The following MYLK variants were observed in gnomAD, a reference collection of about 807,000 sequenced individuals.
MYLK encodes myosin light chain kinase, smooth muscle.
In MYLK, 106 loss-of-function variants were observed where a neutral mutation model predicts 203.4. That is an observed-to-expected ratio of 0.52 (90% confidence interval 0.45 to 0.61). The LOEUF (loss-of-function observed/expected upper bound fraction) is 0.61, where lower values mean the gene tolerates loss of function less well. MYLK is among the 20% of genes least tolerant of loss of function. The pLI, the probability that MYLK is intolerant of heterozygous loss-of-function variation, is 0.00. For synonymous variants in MYLK, 867 were observed against 959.5 expected, an observed-to-expected ratio of 0.90 and a Z score of 1.78; for missense variants, 2,072 against 2,442.3, an observed-to-expected ratio of 0.85 and a Z score of 3.20.
intron 2 of MYLK, among the ~76,000 whole-genome samples, chr3:123,874,005 A>C (rs2032996041): frequency 6.6e-6 from 1 of 152,132 alleles, no homozygotes; most frequent in Admixed American, 6.5e-5. Context: ...ATCAAAGATG[A>C]CCTAAATGGA....
At chr3:123,727,579 C>T (rs72970868) in intron 11 of MYLK, among the ~76,000 whole-genome samples, 2 of 152,044 alleles carry the variant, frequency 1.3e-5, no homozygotes, top group Admixed American at 1.3e-4. Flanking sequence ...CAGCATAGCA[C>T]ATCCTCAGTG....
intron 4 of MYLK, among the ~76,000 whole-genome samples, chr3:123,792,933 C>T (rs9836261): frequency 0.16 from 24,883 of 152,166 alleles, 3,143 homozygotes; most frequent in African/African-American, 0.35. Flanking sequence ...GCAGCAACCC[C>T]TGCAAACTCT....
chr3:123,802,388 G>A (rs1394481280), intron 3 of MYLK, among the ~76,000 whole-genome samples: 2 of 152,192 alleles, frequency 1.3e-5, no homozygotes, highest in Non-Finnish European at 2.9e-5. Context: ...ATGGCTTCCT[G>A]GGCCTTTCCT....
At chr3:123,824,499 G>C (rs144230152) in intron 3 of MYLK, among the ~76,000 whole-genome samples, 1 of 152,294 alleles carries the variant, frequency 6.6e-6, no homozygotes, top group Non-Finnish European at 1.5e-5. Flanking sequence ...AAGAGCACTT[G>C]TTAAATGAAT....
intron 18 of MYLK, among the ~76,000 whole-genome samples, chr3:123,698,245 T>C (rs2061014699): frequency 1.3e-5 from 2 of 152,094 alleles, no homozygotes; most frequent in African/African-American, 4.8e-5. Context: ...CCAAGCCTGA[T>C]GAGAACCTGA....
intron 2 of MYLK, among the ~76,000 whole-genome samples, chr3:123,857,631 A>G: frequency 8.2e-6 from 1 of 122,254 alleles, no homozygotes; most frequent in East Asian, 2.5e-4. Flanking sequence ...GGAACATCAC[A>G]CTCTGGGGAC....
intron 11 of MYLK, among the ~76,000 whole-genome samples, chr3:123,728,977 CAA>C (rs1560140261): frequency 6.6e-6 from 1 of 152,118 alleles, no homozygotes; most frequent in East Asian, 1.9e-4. Flanking sequence ...TCGGAGCTAA[CAA>C]GAGCCTGACC....
intron 27 of MYLK, 41 bp downstream of exon 27, chr3:123,647,183 G>C: frequency 6.3e-7 from 1 of 1,588,426 alleles, no homozygotes; most frequent in Non-Finnish European, 8.6e-7. Context: ...ACGTTTGGGG[G>C]CTCCCTGTGG....
At chr3:123,625,180 C>T (rs764027860) in intron 31 of MYLK, 21 of 152,334 alleles carry the variant, frequency 1.4e-4, no homozygotes, top group Admixed American at 3.3e-4. Flanking sequence ...AATTCAAACT[C>T]CTGCACCTGG....
At position 123,739,352 on chromosome 3, in the gene MYLK, G is replaced by A. The variant is rs567719158; in HGVS notation, c.423-290C>T. Among the ~76,000 whole-genome samples the A allele has an allele frequency of 1.6e-4, 24 of 152,360 alleles. No homozygotes were observed. In the South Asian group the frequency reaches 3.5e-3, roughly 22 times the overall value. ...GGCTGAAAGCCTGGGTTTTAGCCAG[G>A]AGACCATGAGCAGAAGAGCTGTATG... On this transcript the variant is annotated intron_variant, in intron 6 of 33. Transcript: ENST00000360304.
chr3:123,696,668 G>A (rs1285517657), intron 18 of MYLK, among the ~76,000 whole-genome samples: 2 of 152,016 alleles, frequency 1.3e-5, no homozygotes, highest in African/African-American at 2.4e-5. Flanking sequence ...CTTGCTTCTT[G>A]AACTGGTCAT....
intron 29 of MYLK, among the ~76,000 whole-genome samples, chr3:123,632,805 ATT>A (rs35310974): frequency 1.8e-4 from 24 of 136,974 alleles, no homozygotes; most frequent in Admixed American, 2.2e-4. Context: ...ATGTCTTTTA[ATT>A]TTTTTTTTTT....
chr3:123,820,652 T>TTCCTTCCTTCCTTCCTTCCTTCCC (rs1560259959), intron 3 of MYLK, among the ~76,000 whole-genome samples: 56 of 113,910 alleles, frequency 4.9e-4, no homozygotes, highest in East Asian at 2.1e-3. Flanking sequence ...CCCTCCTTCC[T>TTCCTTCCTTCCTTCCTTCCTTCCC]TCCTTCCTTC....
intron 4 of MYLK, among the ~76,000 whole-genome samples, chr3:123,762,488 C>T (rs2063567267): frequency 6.6e-6 from 1 of 152,146 alleles, no homozygotes; most frequent in African/African-American, 2.4e-5. Flanking sequence ...ACCTTGACCT[C>T]CCAAAGTTGC....
intron 3 of MYLK, among the ~76,000 whole-genome samples, chr3:123,795,558 GA>G (rs755261309): frequency 9.9e-5 from 15 of 152,236 alleles, no homozygotes; most frequent in Admixed American, 4.6e-4. Context: ...AGAAAAATCT[GA>G]AGAACCAGGC....
At chr3:123,748,926 G>A (rs547751009) in intron 5 of MYLK, among the ~76,000 whole-genome samples, 32 of 152,146 alleles carry the variant, frequency 2.1e-4, no homozygotes, top group African/African-American at 5.3e-4. Flanking sequence ...AAAATTAGCC[G>A]GGCGTGATGG....
chr3:123,664,423 C>A (rs568104083), intron 22 of MYLK, among the ~76,000 whole-genome samples, 165 bp from the exon 23 acceptor site: 23 of 152,052 alleles, frequency 1.5e-4, no homozygotes, highest in Non-Finnish European at 1.6e-4. Context: ...CCCTTCTCTC[C>A]TACATCCAGA....
intron 2 of MYLK, among the ~76,000 whole-genome samples, chr3:123,849,647 CA>C (rs2030494236): frequency 2.0e-5 from 3 of 152,080 alleles, no homozygotes; most frequent in Admixed American, 2.0e-4. Context: ...AGCAGGCTGG[CA>C]AAATGATGGC....
At chr3:123,855,113 T>C (rs1305009473) in intron 2 of MYLK, among the ~76,000 whole-genome samples, 1 of 151,830 alleles carries the variant, frequency 6.6e-6, no homozygotes. Flanking sequence ...AGGAGACACT[T>C]TTGTTCTGAG....
Sources: gnomAD v4.1 joint callset for allele counts (sites outside exome capture counted in the v4.1 genomes callset) on GRCh38, gnomAD v4.1.1 for gene constraint, MANE v1.5 for transcripts, NCBI Gene and HGNC (gene_info 2026-07-23, HGNC 2026-07-21) for gene names.